Variants in LGALS2 observed in about 807,000 individuals in gnomAD.
LGALS2 encodes the protein galectin-2.
In LGALS2, 7 loss-of-function variants were observed where a neutral mutation model predicts 10.1. That is an observed-to-expected ratio of 0.70 (90% CI 0.40 to 1.31). LGALS2 has a LOEUF of 1.31. LGALS2 is among the 50% of genes most tolerant of loss of function. The pLI is 0.01. For synonymous variants in LGALS2, 86 were observed against 64.2 expected (o/e 1.34, Z -1.63); for missense variants, 167 against 163.6 (o/e 1.02, Z -0.11).
Position 37,579,959 on chromosome 22 carries a change from G to T in LGALS2, c.-54C>A. 1.9e-6 allele frequency: 3 copies of T among 1,600,918 alleles called. No individual in the cohort carries two copies. In the South Asian group the frequency reaches 3.3e-5, roughly 18 times the overall value. On this transcript the variant is annotated 5_prime_UTR_variant, in exon 1 of 4. Coordinates refer to ENST00000215886, the MANE Select transcript of LGALS2 (RefSeq NM_006498.3). ...CGGCTCCTGGAGGCCTGTGCTCAGG[G>T]TCTCAACTCGTGGTCAAGCTTATAT... is the stretch of plus-strand genomic sequence containing the variant.
chr22:37,576,232 C>T (rs948253572), intron 1 of LGALS2, among the ~76,000 whole-genome samples: 13 of 152,134 alleles, frequency 8.5e-5, no homozygotes, highest in Middle Eastern at 3.4e-3. Flanking sequence ...GGGGGCGGAT[C>T]ACGAGGTCAG....
intron 1 of LGALS2, among the ~76,000 whole-genome samples, chr22:37,574,831 G>A (rs1056204126): frequency 2.0e-5 from 3 of 151,984 alleles, no homozygotes; most frequent in African/African-American, 7.3e-5. Context: ...CACATGTAGG[G>A]GTAGGTTGTT....
chr22:37,575,206 T>TTTC (rs1555945616), intron 1 of LGALS2, among the ~76,000 whole-genome samples: 1 of 147,514 alleles, frequency 6.8e-6, no homozygotes, highest in Non-Finnish European at 1.5e-5. Flanking sequence ...TTTCTTTCTT[T>TTTC]TTTTTTTTTT....
At chr22:37,578,158 C>T (rs1474503340) in intron 1 of LGALS2, among the ~76,000 whole-genome samples, 1 of 152,232 alleles carries the variant, frequency 6.6e-6, no homozygotes, top group African/African-American at 2.4e-5. Context: ...TTGGCCAAGG[C>T]CACACAGTAA....
At chr22:37,576,529 G>A (rs1925687792) in intron 1 of LGALS2, among the ~76,000 whole-genome samples, 1 of 151,780 alleles carries the variant, frequency 6.6e-6, no homozygotes. Flanking sequence ...GTTATCCAGT[G>A]AGGACAGTCC....
intron 2 of LGALS2, among the ~76,000 whole-genome samples, chr22:37,571,563 G>A (rs1010147365): frequency 5.9e-5 from 9 of 152,204 alleles, no homozygotes; most frequent in East Asian, 1.9e-4. Flanking sequence ...CACCTGCCCC[G>A]CAGGGGGCCA....
chr22:37,572,841 G>A (rs2145819740), intron 1 of LGALS2, among the ~76,000 whole-genome samples: 1 of 150,818 alleles, frequency 6.6e-6, no homozygotes, highest in East Asian at 2.0e-4. Flanking sequence ...CATGGTGGCG[G>A]GCGCCTGTAA....
At chr22:37,576,345 G>A (rs940953085) in intron 1 of LGALS2, among the ~76,000 whole-genome samples, 7 of 151,688 alleles carry the variant, frequency 4.6e-5, no homozygotes, top group African/African-American at 1.5e-4. Flanking sequence ...CCAGCTACTC[G>A]GGAGGCTGAG....
intron 2 of LGALS2, among the ~76,000 whole-genome samples, chr22:37,571,381 CTG>C (rs1925493520): frequency 6.6e-6 from 1 of 152,208 alleles, no homozygotes; most frequent in Non-Finnish European, 1.5e-5. Flanking sequence ...TTTCGCTGGA[CTG>C]TGACTCACGG....
At chr22:37,571,990 C>T in intron 1 of LGALS2, 59 bp from the exon 2 acceptor site, 1 of 1,420,522 alleles carries the variant, frequency 7.0e-7, no homozygotes, top group Non-Finnish European at 1.0e-6. Flanking sequence ...CCCACACTTG[C>T]CCAGCAGCTT....
intron 1 of LGALS2, among the ~76,000 whole-genome samples, chr22:37,575,925 T>C (rs1925660261): frequency 1.3e-5 from 2 of 152,140 alleles, no homozygotes; most frequent in Admixed American, 6.6e-5. Context: ...GTCTCTTGTG[T>C]TGTAGGATGT....
intron 1 of LGALS2, among the ~76,000 whole-genome samples, chr22:37,572,452 T>A (rs879552834): frequency 5.3e-5 from 8 of 151,036 alleles, no homozygotes; most frequent in Non-Finnish European, 1.2e-4. Flanking sequence ...GGCAACATGG[T>A]GAAACCTCGT....
At position 37,570,427 on chromosome 22, in the gene LGALS2, G is replaced by A; in HGVS notation, c.250-15C>T. 1 of 1,610,494 alleles carries A rather than the reference G, an allele frequency of 6.2e-7. No individual in the cohort carries two copies. Among genetic ancestry groups the A allele is most frequent in the African/African-American group, 1.3e-5 (1 of 74,972 alleles). ...GTCACTGTGAACTGTGGGGAGGGAG[G>A]GTGTCAAGGAGGCAGGAGGCCCTGG... On this transcript the variant is annotated splice_polypyrimidine_tract_variant and intron_variant, in intron 3 of 3. Coordinates refer to ENST00000215886, the MANE Select transcript of LGALS2 (RefSeq NM_006498.3).
intron 1 of LGALS2, among the ~76,000 whole-genome samples, chr22:37,579,235 G>A (rs1205850969): frequency 6.1e-5 from 5 of 82,338 alleles, no homozygotes; most frequent in Non-Finnish European, 1.1e-4. Flanking sequence ...GCAACAGAGC[G>A]AGACTCCATC....
chr22:37,570,775 G>A, intron 2 of LGALS2, 40 bp from the exon 3 acceptor site: 1 of 1,612,530 alleles, frequency 6.2e-7, no homozygotes, highest in African/African-American at 1.3e-5. Flanking sequence ...CAGGGCTCAG[G>A]CCTGGATAAA....
Position 37,570,377 on chromosome 22 carries a change from C to A in LGALS2, c.285G>T (p.Val95=), listed in dbSNP as rs1272404790. Reference sequence around the variant, plus strand: ...TCAGCTCGTGCCCATCTGGCAGCTTCACCTTGAATTTGTCACTCTCAAAGG... The same window carrying A: ...TCAGCTCGTGCCCATCTGGCAGCTTAACCTTGAATTTGTCACTCTCAAAGG... ...TVTFESDKFK[V]KLPDGHELTF... Residue 95 remains valine (V), a synonymous_variant, in exon 4 of 4, where the codon GTG becomes GTT. Transcript: ENST00000215886. The A allele has an allele frequency of 1.2e-6, 2 of 1,613,984 alleles. No homozygotes were observed. Among genetic ancestry groups the A allele is most frequent in the South Asian group, 1.1e-5 (1 of 91,080 alleles).
intron 1 of LGALS2, 126 bp from the exon 2 acceptor site, chr22:37,572,057 G>A (rs550690403): frequency 3.8e-5 from 28 of 741,956 alleles, no homozygotes; most frequent in East Asian, 2.4e-4. Flanking sequence ...ACGTGAGGAC[G>A]CAGGAGACCA....
At chr22:37,577,502 A>T (rs749939300) in intron 1 of LGALS2, among the ~76,000 whole-genome samples, 2 of 146,106 alleles carry the variant, frequency 1.4e-5, no homozygotes, top group Non-Finnish European at 3.0e-5. Flanking sequence ...GGTGCCCACC[A>T]CAACATCTGT....
chr22:37,570,770 C>T (rs765560855), intron 2 of LGALS2, 35 bp from the exon 3 acceptor site: 19 of 1,613,486 alleles, frequency 1.2e-5, no homozygotes, highest in Middle Eastern at 1.6e-4. Flanking sequence ...AGGTTCAGGG[C>T]TCAGGCCTGG....
Sources: gnomAD v4.1 joint callset for allele counts (sites outside exome capture counted in the v4.1 genomes callset) on GRCh38, gnomAD v4.1.1 for gene constraint, MANE v1.5 for transcripts, NCBI Gene and HGNC (gene_info 2026-07-23, HGNC 2026-07-21) for gene names.